The following NEIL3 variants were observed in gnomAD, a reference collection of about 807,000 sequenced individuals.
The protein encoded by NEIL3 is endonuclease 8-like 3.
In NEIL3, 48 loss-of-function variants were observed where a neutral mutation model predicts 57.5. The ratio of observed to expected loss-of-function variants is 0.83; its 90% confidence interval spans 0.66 to 1.06. NEIL3 has a LOEUF of 1.06. Among genes scored for constraint, NEIL3 ranks in the 50% least tolerant of loss-of-function variants. NEIL3 has a pLI of 0.00. For missense variants in NEIL3, 717 were observed against 739.1 expected (o/e 0.97, Z 0.35); for synonymous variants, 261 against 253.2 (o/e 1.03, Z -0.29).
At chr4:177,320,997 T>C (rs1222089860) in intron 1 of NEIL3, among the ~76,000 whole-genome samples, 1 of 151,956 alleles carries the variant, frequency 6.6e-6, no homozygotes, top group Non-Finnish European at 1.5e-5. Flanking sequence ...TTATCTCTCT[T>C]TGAGCTAAGT....
downstream of NEIL3, among the ~76,000 whole-genome samples, chr4:177,366,196 A>T (rs1466365921): frequency 6.6e-6 from 1 of 152,262 alleles, no homozygotes; most frequent in Non-Finnish European, 1.5e-5. Context: ...CTTTTAAAGC[A>T]GGAAATTAGC....
At chr4:177,311,842 G>C (rs1339547845) in intron 1 of NEIL3, among the ~76,000 whole-genome samples, 12 of 152,116 alleles carry the variant, frequency 7.9e-5, no homozygotes, top group Non-Finnish European at 1.5e-5. Context: ...AAGTGCTGGT[G>C]GTGGAGATGA....
At chr4:177,370,201 A>G in the NEIL3 span, among the ~76,000 whole-genome samples, 3 of 152,360 alleles carry the variant, frequency 2.0e-5, no homozygotes, top group Admixed American at 6.5e-5. Context: ...TCCTTCATAC[A>G]TGACGAATTT....
At chr4:177,359,638 A>C (rs998287575) in intron 8 of NEIL3, among the ~76,000 whole-genome samples, 3 of 152,208 alleles carry the variant, frequency 2.0e-5, no homozygotes, top group Admixed American at 1.3e-4. Flanking sequence ...AAAAAAAAAT[A>C]GGAATATTAA....
Position 177,309,941 on chromosome 4 carries a change from G to T in NEIL3, c.-13G>T. 5.0e-6 allele frequency: 8 copies of T among 1,604,462 alleles called. No individual in the cohort carries two copies. Among genetic ancestry groups the T allele is most frequent in the Non-Finnish European group, 6.8e-6 (8 of 1,176,168 alleles). On this transcript the variant is annotated 5_prime_UTR_variant, in exon 1 of 10. Transcript: ENST00000264596. ...GGCCCTGCAATCGGTGGGCCACAGTGCCGGCCACAGAGATGGTGGAAGGAC... is the reference window on the plus strand; with the variant it reads ...GGCCCTGCAATCGGTGGGCCACAGTTCCGGCCACAGAGATGGTGGAAGGAC...
At chr4:177,332,214 C>T (rs1387746303) in intron 2 of NEIL3, among the ~76,000 whole-genome samples, 1 of 152,194 alleles carries the variant, frequency 6.6e-6, no homozygotes, top group East Asian at 1.9e-4. Flanking sequence ...GTACTTGGGT[C>T]AGAGAGCTTC....
At chr4:177,321,392 TAA>T (rs1433011122) in intron 1 of NEIL3, among the ~76,000 whole-genome samples, 3 of 152,154 alleles carry the variant, frequency 2.0e-5, no homozygotes, top group African/African-American at 7.2e-5. Flanking sequence ...ACGCATGTCT[TAA>T]GTTTTACATT....
chr4:177,353,728 G>C lies in NEIL3; in HGVS notation c.1460G>C (p.Ser487Thr), dbSNP rs1418917741. 1.3e-6 allele frequency: 2 copies of C among 1,597,918 alleles called. No homozygotes were observed. Among genetic ancestry groups the C allele is most frequent in the Middle Eastern group, 1.7e-4 (1 of 5,982 alleles). ...LKSCNPGYSN[S>T]ELQINMTDGP... The stretch of plus-strand genomic sequence containing the variant: ...AGCTGCAACCCTGGATATTCTAACA[G>C]GTATGATGCTTTTAACCTTGGTCTT... Residue 487 changes from serine (S) to threonine (T), a missense_variant and splice_region_variant, in exon 8 of 10, where the codon AGT (serine) becomes ACT (threonine). Transcript: ENST00000264596.
chr4:177,339,912 T>C (rs1275790436), intron 5 of NEIL3, 55 bp downstream of exon 5: 1 of 1,193,812 alleles, frequency 8.4e-7, no homozygotes, highest in Non-Finnish European at 1.2e-6. Context: ...GGTTTCCTTT[T>C]GGAGTGCACC....
chr4:177,318,441 G>A (rs1052924898), intron 1 of NEIL3, among the ~76,000 whole-genome samples: 2 of 152,184 alleles, frequency 1.3e-5, no homozygotes, highest in African/African-American at 4.8e-5. Context: ...CAATGGGGCA[G>A]TGCTGCTGAA....
At chr4:177,342,042 T>C (rs1387198841) in intron 6 of NEIL3, among the ~76,000 whole-genome samples, 4 of 152,222 alleles carry the variant, frequency 2.6e-5, no homozygotes, top group Non-Finnish European at 5.9e-5. Flanking sequence ...GGTGAAATAA[T>C]AGACCACTTA....
chr4:177,348,696 C>T (rs938638161), intron 6 of NEIL3, among the ~76,000 whole-genome samples: 10 of 152,000 alleles, frequency 6.6e-5, no homozygotes, highest in Admixed American at 5.2e-4. Context: ...AAATTTGCAT[C>T]TGCAGCAGAT....
At chr4:177,339,514 GTCAT>G (rs1280211082) in intron 4 of NEIL3, among the ~76,000 whole-genome samples, 1 of 152,128 alleles carries the variant, frequency 6.6e-6, no homozygotes. Flanking sequence ...GTGGAAGTCG[GTCAT>G]CATAAAGTTA....
At chr4:177,322,379 C>T in intron 1 of NEIL3, 80 bp from the exon 2 acceptor site, 1 of 1,574,192 alleles carries the variant, frequency 6.4e-7, no homozygotes, top group African/African-American at 1.3e-5. Context: ...GTAATATAAA[C>T]ACATTTAAGA....
chr4:177,314,889 AAC>A (rs1318619309), intron 1 of NEIL3, among the ~76,000 whole-genome samples: 8 of 151,284 alleles, frequency 5.3e-5, no homozygotes, highest in Non-Finnish European at 1.2e-4. Flanking sequence ...CATTCTGGCT[AAC>A]ACAGTGAAAC....
the NEIL3 span, among the ~76,000 whole-genome samples, chr4:177,368,353 G>A: frequency 6.6e-6 from 1 of 152,010 alleles, no homozygotes; most frequent in African/African-American, 2.4e-5. Context: ...ACTTATCATT[G>A]TATATTATAG....
In NEIL3 at chr4:177,341,459, G is replaced by GGT; in HGVS notation, c.703-17_703-16insGT. On this transcript the variant is annotated splice_polypyrimidine_tract_variant and intron_variant, in intron 5 of 9. Transcript: ENST00000264596. ...GTTTTGTGGATAACAGAATTTTTTG[G>GGT]TTTTTTTTTTTTTTAGTGCCGTAAA... 10 of 1,440,856 alleles carry GGT rather than the reference G, an allele frequency of 6.9e-6. No individual in the cohort carries two copies. The highest frequency in any genetic ancestry group is 9.3e-6 in the Non-Finnish European group (10 of 1,079,336). 89.3% of individuals were successfully genotyped at this position (1,440,856 alleles called of 1,614,324 possible).
chr4:177,363,301 C>A (rs1312359095), downstream of NEIL3, among the ~76,000 whole-genome samples: 1 of 152,156 alleles, frequency 6.6e-6, no homozygotes, highest in South Asian at 2.1e-4. Flanking sequence ...GTGGCTTGAA[C>A]CACTTTCCCG....
intron 2 of NEIL3, 123 bp from the exon 3 acceptor site, chr4:177,335,565 A>C (rs2110906019): frequency 1.3e-6 from 1 of 750,722 alleles, no homozygotes; most frequent in African/African-American, 1.8e-5. Flanking sequence ...TCTGCCCTTT[A>C]AAAGTGTCTA....
Sources: allele counts gnomAD v4.1 joint callset (sites outside exome capture counted in the v4.1 genomes callset), GRCh38; gene constraint gnomAD v4.1.1; transcripts MANE v1.5; gene names NCBI Gene and HGNC (gene_info 2026-07-23, HGNC 2026-07-21).